The following DPY19L3 variants were observed in gnomAD, a reference collection of about 807,000 sequenced individuals.
DPY19L3 encodes the protein dpy-19 like C-mannosyltransferase 3, also known as protein C-mannosyl-transferase DPY19L3.
Under a neutral mutation model 92.3 loss-of-function variants are expected in DPY19L3, and 51 were observed. The observed-to-expected ratio is 0.55, with a 90% CI of 0.44 to 0.70. The LOEUF is 0.70. Among genes scored for constraint, DPY19L3 ranks in the 30% least tolerant of loss-of-function variants. DPY19L3 has a pLI of 0.00. For missense variants in DPY19L3, 706 were observed against 855.9 expected (o/e 0.82, Z 2.18); for synonymous variants, 309 against 315.2 (o/e 0.98, Z 0.21).
intron 10 of DPY19L3, among the ~76,000 whole-genome samples, chr19:32,455,539 G>A (rs1019215203): frequency 6.6e-6 from 1 of 151,642 alleles, no homozygotes; most frequent in African/African-American, 2.4e-5. Flanking sequence ...TAATATACAC[G>A]TAGCTTTCTG....
At chr19:32,478,519 C>G (rs915142344) in intron 17 of DPY19L3, among the ~76,000 whole-genome samples, 6 of 152,156 alleles carry the variant, frequency 3.9e-5, no homozygotes, top group African/African-American at 9.7e-5. Context: ...AGTGCCTCTC[C>G]CATTATTGCA....
chr19:32,419,888 C>T (rs1380421792), intron 3 of DPY19L3, among the ~76,000 whole-genome samples: 6 of 143,912 alleles, frequency 4.2e-5, no homozygotes, highest in African/African-American at 2.7e-5. Flanking sequence ...GAGACGGAGC[C>T]TTGCTGTGTC....
chr19:32,459,219 A>G (rs975301049), intron 12 of DPY19L3, among the ~76,000 whole-genome samples: 2 of 152,230 alleles, frequency 1.3e-5, no homozygotes, highest in Admixed American at 6.5e-5. Flanking sequence ...AAAAACTTGT[A>G]AGAATATCTA....
intron 3 of DPY19L3, among the ~76,000 whole-genome samples, chr19:32,423,450 A>G (rs993208652): frequency 2.2e-4 from 27 of 125,082 alleles, no homozygotes; most frequent in African/African-American, 6.9e-4. Context: ...GGGTTTTGCC[A>G]TGTCAGGCTG....
intron 2 of DPY19L3, among the ~76,000 whole-genome samples, chr19:32,408,764 T>TAATTAGTCA (rs954878773): frequency 1.3e-5 from 2 of 152,066 alleles, no homozygotes; most frequent in Non-Finnish European, 2.9e-5. Flanking sequence ...AAATTCTTTA[T>TAATTAGTCA]AATTAGTCAA....
Position 32,458,663 on chromosome 19 carries a change from A to T in DPY19L3, c.1322+154A>T, listed in dbSNP as rs150326982. Among the ~76,000 whole-genome samples the T allele has an allele frequency of 7.2e-5, 11 of 152,328 alleles. No homozygotes were observed. The East Asian group carries it at 2.1e-3, about 29-fold the overall frequency. Reference sequence around the variant, plus strand: ...CTCGTTTAGAGTGGACTACACTCCCAGTAGTTAGGAGACAACAGAGTAATG... The same window carrying T: ...CTCGTTTAGAGTGGACTACACTCCCTGTAGTTAGGAGACAACAGAGTAATG... On this transcript the variant is annotated intron_variant, in intron 12 of 18. Coordinates refer to ENST00000392250, the MANE Select transcript of DPY19L3 (RefSeq NM_001172774.2).
intron 16 of DPY19L3, among the ~76,000 whole-genome samples, chr19:32,471,154 C>G (rs892041268): frequency 6.6e-6 from 1 of 152,172 alleles, no homozygotes; most frequent in Non-Finnish European, 1.5e-5. Flanking sequence ...TTTGATTAGT[C>G]ACACGGTATC....
intron 1 of DPY19L3, chr19:32,406,250 C>T (rs888513517): frequency 2.0e-5 from 3 of 152,476 alleles, no homozygotes; most frequent in African/African-American, 7.2e-5. Flanking sequence ...CTGCCCCTGT[C>T]CTTGGAGACC....
chr19:32,434,929 G>T (rs565200207), intron 4 of DPY19L3, among the ~76,000 whole-genome samples: 1 of 152,214 alleles, frequency 6.6e-6, no homozygotes, highest in South Asian at 2.1e-4. Context: ...CCAACTCTTA[G>T]GTTGGAGAGT....
intron 3 of DPY19L3, among the ~76,000 whole-genome samples, chr19:32,416,288 C>G (rs1384026325): frequency 6.6e-6 from 1 of 152,210 alleles, no homozygotes; most frequent in African/African-American, 2.4e-5. Context: ...GCTTGCTCTC[C>G]TTAGCAGCGG....
At chr19:32,443,444 A>G (rs1032172332) in intron 8 of DPY19L3, among the ~76,000 whole-genome samples, 2 of 152,176 alleles carry the variant, frequency 1.3e-5, no homozygotes, top group African/African-American at 4.8e-5. Flanking sequence ...TTAGAAGGTG[A>G]TTAGTGCCAT....
chr19:32,437,053 A>G (rs1969165740), intron 5 of DPY19L3, 141 bp from the exon 6 acceptor site: 2 of 903,300 alleles, frequency 2.2e-6, no homozygotes, highest in Non-Finnish European at 3.2e-6. Flanking sequence ...ACGCTTCTCT[A>G]ATAGATGAAA....
chr19:32,450,990 G>A (rs773108477), intron 8 of DPY19L3, among the ~76,000 whole-genome samples: 7 of 152,142 alleles, frequency 4.6e-5, no homozygotes, highest in African/African-American at 1.4e-4. Flanking sequence ...ATTAAGTGCC[G>A]CTCTTCTAGT....
At chr19:32,445,744 T>C (rs910710093) in intron 8 of DPY19L3, among the ~76,000 whole-genome samples, 1 of 152,190 alleles carries the variant, frequency 6.6e-6, no homozygotes. Context: ...CTCACACCTG[T>C]AATCCCAGCA....
At chr19:32,430,774 G>A (rs1017316557) in intron 3 of DPY19L3, among the ~76,000 whole-genome samples, 4 of 147,746 alleles carry the variant, frequency 2.7e-5, no homozygotes, top group African/African-American at 7.5e-5. Flanking sequence ...TCAGGTGCAT[G>A]CCACTATGCC....
At chr19:32,420,200 G>T (rs983595040) in intron 3 of DPY19L3, among the ~76,000 whole-genome samples, 6 of 152,030 alleles carry the variant, frequency 3.9e-5, no homozygotes, top group African/African-American at 7.2e-5. Context: ...CCCTTATGGT[G>T]CCTGGCACGT....
intron 16 of DPY19L3, among the ~76,000 whole-genome samples, chr19:32,469,695 A>T (rs112381257): frequency 6.6e-6 from 1 of 152,114 alleles, no homozygotes; most frequent in African/African-American, 2.4e-5. Context: ...ATAATGCTTT[A>T]GTGTCCTATT....
chr19:32,429,497 T>C (rs1968888425), intron 3 of DPY19L3, among the ~76,000 whole-genome samples: 1 of 152,248 alleles, frequency 6.6e-6, no homozygotes, highest in Admixed American at 6.5e-5. Flanking sequence ...CAATTAATCA[T>C]GTTTGAATGC....
intron 3 of DPY19L3, among the ~76,000 whole-genome samples, chr19:32,415,970 C>T (rs920319035): frequency 3.9e-5 from 6 of 152,164 alleles, no homozygotes; most frequent in Non-Finnish European, 8.8e-5. Context: ...TAGAAGGAAC[C>T]AGCCAAGCTA....
Sources: gnomAD v4.1 joint callset for allele counts (sites outside exome capture counted in the v4.1 genomes callset) on GRCh38, gnomAD v4.1.1 for gene constraint, MANE v1.5 for transcripts, NCBI Gene and HGNC (gene_info 2026-07-23, HGNC 2026-07-21) for gene names.